The following HDAC4 variants were observed in gnomAD, a reference collection of about 807,000 sequenced individuals.
HDAC4 encodes histone deacetylase A.
HDAC4 carries 16 observed loss-of-function variants against 135.1 expected under a neutral mutation model. The ratio of observed to expected loss-of-function variants is 0.12; its 90% confidence interval spans 0.08 to 0.18. The LOEUF is 0.18. Among genes scored for constraint, HDAC4 ranks in the 10% least tolerant of loss-of-function variants. HDAC4 has a pLI of 1.00. For missense variants in HDAC4, 1,143 were observed against 1,511.8 expected, an observed-to-expected ratio of 0.76 and a Z score of 4.05; for synonymous variants, 685 against 653.4, an observed-to-expected ratio of 1.05 and a Z score of -0.74.
intron 3 of HDAC4, among the ~76,000 whole-genome samples, chr2:239,210,888 A>G (rs1419922374): frequency 6.6e-6 from 1 of 152,198 alleles, no homozygotes; most frequent in African/African-American, 2.4e-5. Flanking sequence ...CGGGACAAGG[A>G]CGAAAAAGCA....
In HDAC4 at chr2:239,352,841, G is replaced by A. The variant is rs557591171; in HGVS notation, c.-142C>T. On this transcript the variant is annotated 5_prime_UTR_variant, in exon 2 of 27. Transcript: ENST00000543185. This position sits in a 1 kb window ranked among gnomAD's most constrained non-coding sequence, Gnocchi z 4.4. ...GCTGGGTCACAGACGTTCAAGCGCC[G>A]AGCCTCGCCGGCAAGGTCTCATGAG... 8.3e-4 allele frequency: 708 copies of A among 850,142 alleles called. 5 individuals carry two copies. Among genetic ancestry groups the A allele is most frequent in the Non-Finnish European group, 5.7e-4 (294 of 517,784 alleles). 52.7% of individuals were successfully genotyped at this position (850,142 alleles called of 1,614,324 possible).
chr2:239,322,693 G>C (rs1020730549), intron 2 of HDAC4, among the ~76,000 whole-genome samples: 2 of 152,196 alleles, frequency 1.3e-5, no homozygotes, highest in Non-Finnish European at 2.9e-5. Context: ...TTGACTGGCT[G>C]AGTGCTGGTG....
rs560589178 is a variant in HDAC4, at chr2:239,246,998, C to G, written c.23-10334G>C. Among the ~76,000 whole-genome samples, 24 of 152,346 alleles carry G rather than the reference C, an allele frequency of 1.6e-4. No individual in the cohort carries two copies. The South Asian group carries it at 5.0e-3, about 32-fold the overall frequency. Reference sequence around the variant, plus strand: ...AGTGGGAGGAGTCACACACAACAGACGTCAAATAGGAACGCTGCAAAACAC... The same window carrying G: ...AGTGGGAGGAGTCACACACAACAGAGGTCAAATAGGAACGCTGCAAAACAC... On this transcript the variant is annotated intron_variant, in intron 2 of 26. Coordinates refer to ENST00000543185, the MANE Select transcript of HDAC4 (RefSeq NM_001378414.1).
intron 2 of HDAC4, among the ~76,000 whole-genome samples, chr2:239,247,160 C>A (rs7570805): frequency 1.3e-5 from 2 of 152,204 alleles, no homozygotes; most frequent in African/African-American, 4.8e-5. Flanking sequence ...CGCGCTCCCT[C>A]GCTGCCGGGC....
intron 11 of HDAC4, among the ~76,000 whole-genome samples, chr2:239,129,415 C>T (rs556987575): frequency 1.3e-5 from 2 of 152,292 alleles, no homozygotes; most frequent in East Asian, 1.9e-4. Context: ...GGTCGGTGAC[C>T]CAGCTGCAGG....
intron 3 of HDAC4, among the ~76,000 whole-genome samples, chr2:239,202,738 CT>C (rs2045833152): frequency 2.0e-5 from 3 of 152,168 alleles, no homozygotes; most frequent in Middle Eastern, 3.4e-3. Flanking sequence ...GCTGTACCCC[CT>C]GACCTCATGA....
rs201861872 is a variant in HDAC4 at position 239,095,016 on chromosome 2, A to G, written c.2274T>C (p.Gly758=). 3.6e-5 allele frequency: 58 copies of G among 1,612,494 alleles called. 2 individuals carry two copies. The East Asian group carries it at 8.3e-4, about 23-fold the overall frequency. Residue 758 remains glycine (G), a synonymous_variant, in exon 17 of 27, where the codon GGT becomes GGC. Coordinates refer to ENST00000543185, the MANE Select transcript of HDAC4 (RefSeq NM_001378414.1). ...ASVFVRLPCG[G]VGVDSDTIWN... is the part of the protein sequence containing the mutation. ...ACATTAAAGGAACACTTACCCCAAC[A>G]CCACCGCAAGGGAGCCGGACGAACA... is the stretch of plus-strand genomic sequence containing the variant.
Position 239,139,568 on chromosome 2 carries a change from C to G in HDAC4, c.978+116G>C. The G allele has an allele frequency of 1.0e-6, 1 of 966,164 alleles. No individual in the cohort carries two copies. The highest frequency in any genetic ancestry group is 1.7e-6 in the Non-Finnish European group (1 of 592,324). 59.8% of individuals were successfully genotyped at this position (966,164 alleles called of 1,614,324 possible). ...GGATGGCTCACAGGCCACTTTCCCT[C>G]ACCCCAAATTGGAAGGTGAAGAGTG... is the stretch of plus-strand genomic sequence containing the variant. On this transcript the variant is annotated intron_variant, in intron 9 of 26. Coordinates refer to ENST00000543185, the MANE Select transcript of HDAC4 (RefSeq NM_001378414.1). The surrounding 1 kb of genome is among the most constrained non-coding windows in gnomAD (Gnocchi z 5.3).
intron 11 of HDAC4, among the ~76,000 whole-genome samples, chr2:239,127,520 A>T (rs976772020): frequency 6.6e-6 from 1 of 152,242 alleles, no homozygotes; most frequent in African/African-American, 2.4e-5. Flanking sequence ...AAAAGGATCT[A>T]ACGAACCCTC....
intron 4 of HDAC4, among the ~76,000 whole-genome samples, chr2:239,178,611 T>G (rs2043928351): frequency 6.6e-6 from 1 of 152,224 alleles, no homozygotes; most frequent in Admixed American, 6.5e-5. Flanking sequence ...CTCAAACCCC[T>G]GGGCTCACGT....
At chr2:239,099,332 CGT>C (rs1456398703) in intron 16 of HDAC4, among the ~76,000 whole-genome samples, 1 of 152,212 alleles carries the variant, frequency 6.6e-6, no homozygotes, top group African/African-American at 2.4e-5. Flanking sequence ...CACAGAACTG[CGT>C]GTGTGCAGGA....
intron 4 of HDAC4, among the ~76,000 whole-genome samples, chr2:239,185,966 G>A (rs2044525825): frequency 6.6e-6 from 1 of 152,118 alleles, no homozygotes; most frequent in East Asian, 1.9e-4. Context: ...CCTGGGAGGC[G>A]AAGATTGAAG....
In HDAC4 at chr2:239,331,282, A is replaced by T. The variant is rs369259472; in HGVS notation, c.22+21396T>A. On this transcript the variant is annotated intron_variant, in intron 2 of 26. Coordinates refer to ENST00000543185, the MANE Select transcript of HDAC4 (RefSeq NM_001378414.1). The surrounding 1 kb of genome is among the most constrained non-coding windows in gnomAD (Gnocchi z 4.5). ...ATTCGAGGGGAAAACGGTAAAAGCCACGAGAAGGAGGCAGGATGGGGGAGG... is the reference window on the plus strand; with the variant it reads ...ATTCGAGGGGAAAACGGTAAAAGCCTCGAGAAGGAGGCAGGATGGGGGAGG... Among the ~76,000 whole-genome samples, 1 of 152,086 alleles carries T rather than the reference A, an allele frequency of 6.6e-6. No individual in the cohort carries two copies. Among genetic ancestry groups the T allele is most frequent in the African/African-American group, 2.4e-5 (1 of 41,406 alleles).
chr2:239,179,991 C>T (rs1314596439), intron 4 of HDAC4, among the ~76,000 whole-genome samples: 1 of 152,126 alleles, frequency 6.6e-6, no homozygotes, highest in Non-Finnish European at 1.5e-5. Context: ...TGTGAGCGTG[C>T]AAGGGCGCTG....
intron 1 of HDAC4, among the ~76,000 whole-genome samples, chr2:239,393,446 C>T (rs1032607631): frequency 6.6e-6 from 1 of 152,234 alleles, no homozygotes; most frequent in Non-Finnish European, 1.5e-5. Context: ...ACCTCCACCC[C>T]ACCCAGGCAG....
intron 12 of HDAC4, among the ~76,000 whole-genome samples, chr2:239,117,586 A>C (rs1346567776): frequency 7.3e-6 from 1 of 136,292 alleles, no homozygotes; most frequent in Non-Finnish European, 1.6e-5. Flanking sequence ...AAAAAAAAAA[A>C]AGCTCAGGAG....
chr2:239,316,091 G>GAAT (rs2053102526), intron 2 of HDAC4, among the ~76,000 whole-genome samples: 1 of 152,094 alleles, frequency 6.6e-6, no homozygotes, highest in Non-Finnish European at 1.5e-5. Flanking sequence ...ACAGAAAAAC[G>GAAT]GCCCTTACAA....
At chr2:239,275,188 AC>A (rs920602491) in intron 2 of HDAC4, among the ~76,000 whole-genome samples, 18 of 152,118 alleles carry the variant, frequency 1.2e-4, no homozygotes, top group Non-Finnish European at 2.2e-4. Flanking sequence ...GGCCGAAGCC[AC>A]CCCAGGCCCT....
chr2:239,121,590 T>C (rs1026741481), intron 12 of HDAC4, among the ~76,000 whole-genome samples: 1 of 152,332 alleles, frequency 6.6e-6, no homozygotes. Context: ...CAGGTCTTTT[T>C]CCTCCCTTTC....
Sources: allele counts gnomAD v4.1 joint callset (sites outside exome capture counted in the v4.1 genomes callset), GRCh38; gene constraint gnomAD v4.1.1; non-coding constraint Gnocchi (gnomAD v3.1); transcripts MANE v1.5; gene names NCBI Gene and HGNC (gene_info 2026-07-23, HGNC 2026-07-21).